SGCD: variants seen among roughly 807,000 people sequenced by gnomAD.
SGCD encodes sarcoglycan delta.
Under a neutral mutation model 36.6 loss-of-function variants are expected in SGCD, and 18 were observed. The observed-to-expected ratio is 0.49, with a 90% CI of 0.34 to 0.73. SGCD has a LOEUF of 0.73. Ranked by LOEUF, SGCD falls within the 30% of genes least tolerant of loss-of-function variation. The pLI, the probability that SGCD is intolerant of heterozygous loss-of-function variation, is 0.01. For synonymous variants in SGCD, 133 were observed against 130.6 expected (o/e 1.02, Z -0.12); for missense variants, 387 against 346.7 (o/e 1.12, Z -0.92).
intron 1 of SGCD, among the ~76,000 whole-genome samples, chr5:156,058,695 TA>T (rs1760125776): frequency 6.8e-6 from 1 of 146,666 alleles, no homozygotes. Flanking sequence ...AAACCATCAT[TA>T]AGTTTGTAGA....
the SGCD span, among the ~76,000 whole-genome samples, chr5:155,840,646 T>C: frequency 6.6e-6 from 1 of 151,494 alleles, no homozygotes; most frequent in Non-Finnish European, 1.5e-5. Context: ...GTGCATGTAT[T>C]TTCTGCCTCA....
intron 6 of SGCD, among the ~76,000 whole-genome samples, chr5:156,639,974 C>T (rs927788473): frequency 6.6e-6 from 1 of 152,050 alleles, no homozygotes; most frequent in Middle Eastern, 3.2e-3. Context: ...TATCACCCTT[C>T]TCTTAGTGTC....
chr5:156,014,419 A>G (rs887127029), intron 1 of SGCD, among the ~76,000 whole-genome samples: 2 of 152,184 alleles, frequency 1.3e-5, no homozygotes, highest in Non-Finnish European at 2.9e-5. Context: ...TATTTGCTTT[A>G]TCATCCATGT....
intron 7 of SGCD, among the ~76,000 whole-genome samples, chr5:156,711,942 G>C (rs897981892): frequency 1.3e-5 from 2 of 152,168 alleles, no homozygotes; most frequent in Non-Finnish European, 2.9e-5. Context: ...ACAAGGGGTG[G>C]ATTATTCATG....
At chr5:156,114,322 G>C (rs548309427) in intron 1 of SGCD, among the ~76,000 whole-genome samples, 15 of 152,156 alleles carry the variant, frequency 9.9e-5, no homozygotes, top group African/African-American at 3.4e-4. Context: ...GCTATAATAA[G>C]TAATCTATAT....
At chr5:156,199,145 T>C (rs1764086571) in intron 3 of SGCD, among the ~76,000 whole-genome samples, 1 of 152,150 alleles carries the variant, frequency 6.6e-6, no homozygotes, top group Admixed American at 6.6e-5. Flanking sequence ...CTTCTGCCTG[T>C]AGAGTCTGTA....
intron 1 of SGCD, among the ~76,000 whole-genome samples, chr5:155,911,333 A>ATT (rs2113357127): frequency 6.6e-6 from 1 of 151,068 alleles, no homozygotes; most frequent in African/African-American, 2.4e-5. Flanking sequence ...ATATATATAT[A>ATT]TATTTCCCCC....
At chr5:156,657,315 A>G (rs1763728229) in intron 7 of SGCD, among the ~76,000 whole-genome samples, 1 of 151,650 alleles carries the variant, frequency 6.6e-6, no homozygotes, top group Admixed American at 6.6e-5. Flanking sequence ...TTACATATGT[A>G]TACATGTGCC....
the SGCD span, chr5:155,845,553 C>A: frequency 6.6e-6 from 1 of 152,126 alleles, no homozygotes; most frequent in Admixed American, 6.5e-5. Flanking sequence ...TCATTTTCTT[C>A]TTGTCCAAAT....
At chr5:156,531,651 A>G (rs1159040996) in intron 4 of SGCD, among the ~76,000 whole-genome samples, 3 of 152,228 alleles carry the variant, frequency 2.0e-5, no homozygotes, top group African/African-American at 7.2e-5. Context: ...ATTGGCCCAT[A>G]TGGCAAAAAG....
At chr5:156,629,911 G>T (rs1035801559) in intron 6 of SGCD, among the ~76,000 whole-genome samples, 7 of 146,882 alleles carry the variant, frequency 4.8e-5, no homozygotes, top group African/African-American at 1.8e-4. Flanking sequence ...GCCCAGGCTG[G>T]AGTGCAATGG....
At chr5:155,845,225 C>G in the SGCD span, among the ~76,000 whole-genome samples, 42 of 152,260 alleles carry the variant, frequency 2.8e-4, no homozygotes, top group Middle Eastern at 6.8e-3. Flanking sequence ...GCATGAAGCA[C>G]TTGGCATAGT....
chr5:156,272,584 G>A (rs1293536164), intron 3 of SGCD, among the ~76,000 whole-genome samples: 2 of 152,202 alleles, frequency 1.3e-5, no homozygotes, highest in East Asian at 1.9e-4. Context: ...TATGACAAGG[G>A]CCATAGGAAA....
chr5:155,797,184 A>G, the SGCD span, among the ~76,000 whole-genome samples: 9 of 152,226 alleles, frequency 5.9e-5, no homozygotes, highest in Non-Finnish European at 1.2e-4. Flanking sequence ...GCAGAAAGAC[A>G]GAATCTGTTA....
intron 7 of SGCD, among the ~76,000 whole-genome samples, chr5:156,697,750 CGGATGGATGGATGGAT>C (rs10544582): frequency 2.7e-5 from 4 of 149,162 alleles, no homozygotes; most frequent in Admixed American, 6.7e-5. Context: ...GATGGACGGA[CGGATGGATGGATGGAT>C]GGATGGATGG....
chr5:156,508,330 G>GC, intron 3 of SGCD, among the ~76,000 whole-genome samples: 1 of 151,884 alleles, frequency 6.6e-6, no homozygotes, highest in South Asian at 2.1e-4. Context: ...TAGCAAAATT[G>GC]CCCCCCACCC....
chr5:156,185,383 T>TG (rs1763715807), intron 3 of SGCD, among the ~76,000 whole-genome samples: 1 of 151,678 alleles, frequency 6.6e-6, no homozygotes, highest in Non-Finnish European at 1.5e-5. Flanking sequence ...CCCGGCAAAT[T>TG]TTTTGTATTT....
At chr5:156,177,648 T>A (rs1317218333) in intron 3 of SGCD, among the ~76,000 whole-genome samples, 2 of 152,124 alleles carry the variant, frequency 1.3e-5, no homozygotes, top group East Asian at 1.9e-4. Flanking sequence ...GACAAACATA[T>A]CCCCACATGA....
intron 3 of SGCD, among the ~76,000 whole-genome samples, chr5:156,487,813 A>AAAAAAAAAAAAAAAAAAGAAAAAG (rs1554107842): frequency 1.9e-4 from 15 of 77,794 alleles, no homozygotes; most frequent in East Asian, 8.7e-4. Flanking sequence ...AAAAAAAAAA[A>AAAAAAAAAAAAAAAAAAGAAAAAG]AAAGAAAGAA....
Sources: allele counts gnomAD v4.1 joint callset (sites outside exome capture counted in the v4.1 genomes callset), GRCh38; gene constraint gnomAD v4.1.1; transcripts MANE v1.5; gene names NCBI Gene and HGNC (gene_info 2026-07-23, HGNC 2026-07-21).